Variants in RERE observed in about 807,000 individuals in gnomAD.
RERE encodes arginine-glutamic acid dipeptide repeats, also known as arginine-glutamic acid dipeptide repeats protein.
A neutral mutation model predicts 146.1 loss-of-function variants in RERE; 40 were observed. The ratio of observed to expected loss-of-function variants is 0.27; its 90% CI spans 0.21 to 0.36. The LOEUF (loss-of-function observed/expected upper bound fraction) is 0.36. RERE is among the 10% of genes least tolerant of loss of function. RERE has a pLI of 1.00. For missense variants in RERE, 1,933 were observed against 2,138.7 expected, an observed-to-expected ratio of 0.90 and a Z score of 1.90; for synonymous variants, 1,003 against 866.0, an observed-to-expected ratio of 1.16 and a Z score of -2.78.
chr1:8,522,691 G>A (rs997727704), intron 7 of RERE, among the ~76,000 whole-genome samples: 7 of 151,872 alleles, frequency 4.6e-5, no homozygotes, highest in African/African-American at 1.5e-4. Flanking sequence ...GGCCAATATG[G>A]TGAAACCCCG....
rs571174118 is a variant in RERE, at chr1:8,790,299, CAT to C, written c.-145+26859_-145+26860del. Among the ~76,000 whole-genome samples, 18 of 152,256 alleles carry C rather than the reference CAT, an allele frequency of 1.2e-4. No homozygotes were observed. The East Asian group carries it at 2.3e-3, about 20-fold the overall frequency. On this transcript the variant is annotated intron_variant, in intron 1 of 22. Transcript: ENST00000400908. ...AAAAAAAATTAAACATGAGGAAAAA[CAT>C]GTGTTCCTAATGTGGGCAAACCCCA...
chr1:8,360,239 T>C lies in RERE; in HGVS notation c.3268A>G (p.Thr1090Ala), dbSNP rs1223757196. 11 of 1,579,944 alleles carry C rather than the reference T, an allele frequency of 7.0e-6. No individual in the cohort carries two copies. The highest frequency in any genetic ancestry group is 9.4e-6 in the Non-Finnish European group (11 of 1,164,782). Residue 1090 changes from threonine (T) to alanine (A), a missense_variant, in exon 18 of 23, where the codon ACC (threonine) becomes GCC (alanine). Physicochemically the swap from Thr to Ala is moderately conservative, Grantham distance 58 (BLOSUM62 0). Coordinates refer to ENST00000400908, the MANE Select transcript of RERE (RefSeq NM_001042681.2). ...IAGGSSCPLPTVQIKEEALDD... is the reference protein window; with the variant it reads ...IAGGSSCPLPAVQIKEEALDD... ...AGAGCCTCCTCCTTGATCTGGACGG[T>C]GGGGAGTGGGCAGGACGACCCCCCC...
At chr1:8,583,508 T>A (rs1646392379) in intron 4 of RERE, among the ~76,000 whole-genome samples, 1 of 152,164 alleles carries the variant, frequency 6.6e-6, no homozygotes, top group South Asian at 2.1e-4. Context: ...GGGTTGCCCA[T>A]GCCGACAGCA....
chr1:8,786,595 T>C (rs1000372622), intron 1 of RERE: 27 of 768,698 alleles, frequency 3.5e-5, no homozygotes, highest in Non-Finnish European at 6.2e-5. Context: ...GAAGATTTGA[T>C]AAAGGCGAAG....
intron 4 of RERE, among the ~76,000 whole-genome samples, chr1:8,595,231 G>C (rs1646541091): frequency 6.6e-6 from 1 of 150,586 alleles, no homozygotes; most frequent in Non-Finnish European, 1.5e-5. Flanking sequence ...TTTTCTTTGG[G>C]TAAAATTTCT....
At chr1:8,574,675 C>T (rs537217574) in intron 4 of RERE, among the ~76,000 whole-genome samples, 4 of 152,218 alleles carry the variant, frequency 2.6e-5, no homozygotes, top group South Asian at 4.1e-4. Flanking sequence ...AAATCAGACA[C>T]GAACAAATAT....
intron 6 of RERE, among the ~76,000 whole-genome samples, chr1:8,550,556 G>GT (rs1012260787): frequency 2.2e-4 from 33 of 151,522 alleles, no homozygotes; most frequent in Middle Eastern, 3.5e-3. Context: ...GTTGTTTTTT[G>GT]TTTTTTTTGA....
chr1:8,719,697 G>GA (rs1394806902), intron 1 of RERE, among the ~76,000 whole-genome samples: 8 of 152,058 alleles, frequency 5.3e-5, no homozygotes, highest in Admixed American at 3.9e-4. Flanking sequence ...CTGGACAAGC[G>GA]AAAGTAAGCC....
chr1:8,801,808 T>C (rs1211592989), intron 1 of RERE, among the ~76,000 whole-genome samples: 5 of 152,190 alleles, frequency 3.3e-5, no homozygotes, highest in Non-Finnish European at 5.9e-5. Flanking sequence ...ATACACATAC[T>C]TGTACAATAG....
At chr1:8,630,346 T>G (rs538844176) in intron 2 of RERE, among the ~76,000 whole-genome samples, 16 of 152,140 alleles carry the variant, frequency 1.1e-4, no homozygotes, top group African/African-American at 3.9e-4. Context: ...GCACTGTTCT[T>G]CATAGTAAAC....
chr1:8,427,932 CT>C (rs1034254097), intron 11 of RERE, among the ~76,000 whole-genome samples: 47 of 152,176 alleles, frequency 3.1e-4, no homozygotes, highest in African/African-American at 1.1e-3. Flanking sequence ...GTTTTTAAGA[CT>C]TTAACAATTA....
rs1244275512 is a variant in RERE, at chr1:8,685,502, G to A, written c.-144-29061C>T. ...TTTAGGAGGCCGAGGTGGGTGGATC[G>A]CGAGGTCAGGAGATCTAGACCATCC... On this transcript the variant is annotated intron_variant, in intron 1 of 22. Coordinates refer to ENST00000400908, the MANE Select transcript of RERE (RefSeq NM_001042681.2). Among the ~76,000 whole-genome samples the A allele has an allele frequency of 3.3e-5, 5 of 151,950 alleles. No homozygotes were observed. The South Asian group carries it at 8.3e-4, about 25-fold the overall frequency.
intron 1 of RERE, among the ~76,000 whole-genome samples, chr1:8,737,209 C>T (rs1384198896): frequency 1.3e-5 from 2 of 152,134 alleles, no homozygotes; most frequent in East Asian, 3.8e-4. Flanking sequence ...AGTATTACCA[C>T]AGACTTATCT....
chr1:8,690,514 G>A (rs1157672694), intron 1 of RERE, among the ~76,000 whole-genome samples: 3 of 152,206 alleles, frequency 2.0e-5, no homozygotes, highest in African/African-American at 7.2e-5. Context: ...TCTTTGTATC[G>A]AGAGAGAAAG....
intron 10 of RERE, among the ~76,000 whole-genome samples, chr1:8,474,688 TATTG>T (rs1644730664): frequency 6.6e-6 from 1 of 152,252 alleles, no homozygotes; most frequent in Admixed American, 6.5e-5. Flanking sequence ...CACATCAAAA[TATTG>T]TTCTTCAATT....
intron 8 of RERE, among the ~76,000 whole-genome samples, chr1:8,502,005 C>A (rs1557661727): frequency 2.6e-5 from 3 of 115,752 alleles, no homozygotes; most frequent in African/African-American, 9.5e-5. Flanking sequence ...AGCCCCCCGC[C>A]CGGCCAGCCG....
intron 10 of RERE, among the ~76,000 whole-genome samples, 169 bp from the exon 11 acceptor site, chr1:8,466,192 C>G (rs1349413879): frequency 6.6e-6 from 1 of 152,138 alleles, no homozygotes; most frequent in African/African-American, 2.4e-5. Flanking sequence ...CAAGACCACC[C>G]TATCCCAACC....
At chr1:8,557,273 G>A in intron 5 of RERE, 145 bp downstream of exon 5, 1 of 601,846 alleles carries the variant, frequency 1.7e-6, no homozygotes, top group Middle Eastern at 4.4e-4. Flanking sequence ...CTAACTGGTA[G>A]CCAATGTGAA....
At chr1:8,816,925 G>C (rs986327673) in intron 1 of RERE, among the ~76,000 whole-genome samples, 3 of 152,116 alleles carry the variant, frequency 2.0e-5, no homozygotes, top group African/African-American at 4.8e-5. Flanking sequence ...ATGAATAAGA[G>C]GCCAAGAGAG....
Sources: allele counts gnomAD v4.1 joint callset (sites outside exome capture counted in the v4.1 genomes callset), GRCh38; gene constraint gnomAD v4.1.1; transcripts MANE v1.5; gene names NCBI Gene and HGNC (gene_info 2026-07-23, HGNC 2026-07-21).